Variants in TNR observed in about 807,000 individuals in gnomAD.
The protein encoded by TNR is tenascin R.
Under a neutral mutation model 150.4 loss-of-function variants are expected in TNR, and 45 were observed. That is an observed-to-expected ratio of 0.30 (90% CI 0.24 to 0.38). TNR has a LOEUF of 0.38. TNR is among the 10% of genes least tolerant of loss of function. The pLI, the probability that TNR is intolerant of heterozygous loss-of-function variation, is 1.00. For missense variants in TNR, 1,544 were observed against 1,759.1 expected (o/e 0.88, Z 2.19); for synonymous variants, 687 against 678.4 (o/e 1.01, Z -0.20).
chr1:175,361,064 T>C (rs1287086389), intron 14 of TNR, among the ~76,000 whole-genome samples: 5 of 151,734 alleles, frequency 3.3e-5, no homozygotes, highest in Non-Finnish European at 7.4e-5. Context: ...GACCCAAGGA[T>C]TTTTTTTTCT....
At chr1:175,559,564 G>A (rs10913002) in intron 1 of TNR, among the ~76,000 whole-genome samples, 24,830 of 151,570 alleles carry the variant, frequency 0.16, 2,632 homozygotes, top group African/African-American at 0.3. Flanking sequence ...ACTTTCCTTC[G>A]TACATATGTA....
chr1:175,319,674 G>A lies in TNR; in HGVS notation c.*3683C>T, dbSNP rs1471850154. Reference sequence around the variant, plus strand: ...TTGCATTTCCTTGCTGCCATATGTTGTTGTTGTTCTTTTACAAATCAATCT... The same window carrying A: ...TTGCATTTCCTTGCTGCCATATGTTATTGTTGTTCTTTTACAAATCAATCT... On this transcript the variant is annotated 3_prime_UTR_variant, in exon 23 of 23. Coordinates refer to ENST00000367674, the MANE Select transcript of TNR (RefSeq NM_003285.3). The A allele has an allele frequency of 6.6e-6, 1 of 152,294 alleles. No homozygotes were observed. Among genetic ancestry groups the A allele is most frequent in the Admixed American group, 6.5e-5 (1 of 15,278 alleles). 9.4% of individuals were successfully genotyped at this position (152,294 alleles called of 1,614,324 possible).
intron 2 of TNR, among the ~76,000 whole-genome samples, chr1:175,437,622 G>T (rs1448155602): frequency 6.6e-6 from 1 of 152,158 alleles, no homozygotes; most frequent in Non-Finnish European, 1.5e-5. Context: ...AAAATTGATA[G>T]ACCGCTAGCA....
chr1:175,702,983 G>A (rs1386832895), intron 1 of TNR, among the ~76,000 whole-genome samples: 1 of 151,436 alleles, frequency 6.6e-6, no homozygotes, highest in African/African-American at 2.4e-5. Context: ...ATAATTCTTA[G>A]CATCTGCTCT....
intron 1 of TNR, among the ~76,000 whole-genome samples, chr1:175,675,240 G>C (rs956358765): frequency 7.2e-5 from 11 of 152,192 alleles, no homozygotes; most frequent in African/African-American, 2.7e-4. Context: ...GAATGAACGG[G>C]CTTTGTGGAT....
At chr1:175,468,716 G>A (rs1206749259) in intron 2 of TNR, among the ~76,000 whole-genome samples, 1 of 152,154 alleles carries the variant, frequency 6.6e-6, no homozygotes, top group Non-Finnish European at 1.5e-5. Flanking sequence ...ACGTGATGGT[G>A]AGCATCAGCA....
chr1:175,586,174 A>G (rs974679954), intron 1 of TNR, among the ~76,000 whole-genome samples: 1 of 152,194 alleles, frequency 6.6e-6, no homozygotes, highest in African/African-American at 2.4e-5. Context: ...CCAGGATGTC[A>G]TCTAAAAGAG....
chr1:175,402,552 G>A (rs1296302959), intron 4 of TNR, among the ~76,000 whole-genome samples: 1 of 152,112 alleles, frequency 6.6e-6, no homozygotes, highest in Non-Finnish European at 1.5e-5. Flanking sequence ...AATGTCCTTA[G>A]TACTTTATTC....
At chr1:175,668,600 G>A (rs888308076) in intron 1 of TNR, among the ~76,000 whole-genome samples, 1 of 152,134 alleles carries the variant, frequency 6.6e-6, no homozygotes, top group Non-Finnish European at 1.5e-5. Context: ...CACGAATACT[G>A]ACACCTGGCA....
chr1:175,421,018 T>G (rs1654734630), intron 2 of TNR, among the ~76,000 whole-genome samples: 1 of 152,212 alleles, frequency 6.6e-6, no homozygotes, highest in Non-Finnish European at 1.5e-5. Flanking sequence ...AGTTTCAGCC[T>G]TCTACTTTCT....
In TNR at chr1:175,386,231, G is replaced by C; in HGVS notation, c.1578C>G (p.Pro526=). 1 of 1,607,330 alleles carries C rather than the reference G, an allele frequency of 6.2e-7. No homozygotes were observed. Among genetic ancestry groups the C allele is most frequent in the Non-Finnish European group, 8.5e-7 (1 of 1,174,564 alleles). The change falls in exon 8 of 23, where the codon CCC becomes CCG. Residue 526 remains proline (P), a synonymous_variant. Transcript: ENST00000367674. The part of the protein sequence containing the change: ...SDTVAFVEWI[P]PRAKVDFILL... ...GAATGAAATCGACTTTGGCTCGAGGGGGAATCCACTCCACAAAAGCCACAG... is the reference window on the plus strand; with the variant it reads ...GAATGAAATCGACTTTGGCTCGAGGCGGAATCCACTCCACAAAAGCCACAG...
chr1:175,406,557 T>C lies in TNR; in HGVS notation c.158A>G (p.Asn53Ser). The change falls in exon 3 of 23, where the codon AAC (asparagine) becomes AGC (serine). Residue 53 changes from asparagine to serine, a missense_variant. Physicochemically the swap from Asn to Ser is conservative, Grantham distance 46. This residue lies in a region of TNR where 1,254 missense variants were observed against 1,329.4 expected (regional missense o/e 0.94). Transcript: ENST00000367674. ...QSVEEEGGIA[N>S]YNTSSKEQPV... ...CTGCTCTTTGCTGGATGTGTTGTAG[T>C]TGGCAATGCCTCCCTCCTCCTCCAC... is the stretch of plus-strand genomic sequence containing the variant. 6.2e-7 allele frequency: 1 copy of C among 1,614,206 alleles called. No individual in the cohort carries two copies. The highest frequency in any genetic ancestry group is 8.5e-7 in the Non-Finnish European group (1 of 1,180,036).
intron 1 of TNR, among the ~76,000 whole-genome samples, chr1:175,622,618 G>T (rs1664017011): frequency 6.6e-6 from 1 of 152,206 alleles, no homozygotes; most frequent in African/African-American, 2.4e-5. Flanking sequence ...CCTCTGGGAA[G>T]CTTTCCCAGA....
intron 1 of TNR, among the ~76,000 whole-genome samples, chr1:175,732,623 C>T (rs1464021323): frequency 1.3e-5 from 2 of 152,214 alleles, no homozygotes; most frequent in South Asian, 2.1e-4. Context: ...CATTCTCCAG[C>T]TCCTTGTGTC....
chr1:175,586,580 A>C (rs1355755203), intron 1 of TNR, among the ~76,000 whole-genome samples: 1 of 152,146 alleles, frequency 6.6e-6, no homozygotes, highest in Non-Finnish European at 1.5e-5. Context: ...TGCTGGGACT[A>C]CAAGCGTGAG....
chr1:175,538,732 C>T (rs1012193430), intron 1 of TNR: 1 of 152,222 alleles, frequency 6.6e-6, no homozygotes, highest in African/African-American at 2.4e-5. Flanking sequence ...TACCCCTCCA[C>T]ATACACATTT....
intron 2 of TNR, among the ~76,000 whole-genome samples, chr1:175,524,169 A>T (rs998187134): frequency 7.9e-5 from 12 of 152,056 alleles, no homozygotes; most frequent in African/African-American, 2.9e-4. Flanking sequence ...GGCGTGAGGG[A>T]GGCATGCCTT....
intron 1 of TNR, among the ~76,000 whole-genome samples, chr1:175,735,518 A>T (rs1667748532): frequency 6.6e-6 from 1 of 152,202 alleles, no homozygotes; most frequent in South Asian, 2.1e-4. Context: ...GCCAGCACTC[A>T]GTGGCCACAA....
At chr1:175,391,496 A>T (rs955671873) in intron 6 of TNR, 58 bp from the exon 7 acceptor site, 85 of 1,566,236 alleles carry the variant, frequency 5.4e-5, no homozygotes, top group Non-Finnish European at 6.9e-5. Flanking sequence ...GAGAAATCTG[A>T]TGAGAGAAAG....
Sources: allele counts gnomAD v4.1 joint callset (sites outside exome capture counted in the v4.1 genomes callset), GRCh38; gene constraint gnomAD v4.1.1; regional missense constraint gnomAD v4.1.1; transcripts MANE v1.5; gene names NCBI Gene and HGNC (gene_info 2026-07-23, HGNC 2026-07-21).